RSPH14: variants seen among roughly 807,000 people sequenced by gnomAD.
RSPH14 encodes the protein radial spoke head 14 homolog, also known as rhabdoid tumor deletion region gene 1.
In RSPH14, 20 loss-of-function variants were observed where a neutral mutation model predicts 26.7. That is an observed-to-expected ratio of 0.75 (90% CI 0.53 to 1.09). The LOEUF (loss-of-function observed/expected upper bound fraction) is 1.09, where lower values mean the gene tolerates loss of function less well. Among genes scored for constraint, RSPH14 ranks in the 50% least tolerant of loss-of-function variants. The pLI is 0.00. For missense variants in RSPH14, 449 were observed against 457.2 expected (o/e 0.98, Z 0.16); for synonymous variants, 177 against 189.3 (o/e 0.93, Z 0.53).
At chr22:23,094,625 A>G (rs954979857) in intron 4 of RSPH14, among the ~76,000 whole-genome samples, 1 of 152,162 alleles carries the variant, frequency 6.6e-6, no homozygotes, top group African/African-American at 2.4e-5. Context: ...CACTGTGCTT[A>G]GGCACCTCAC....
chr22:23,151,024 G>A, the RSPH14 span, among the ~76,000 whole-genome samples: 3 of 152,214 alleles, frequency 2.0e-5, no homozygotes, highest in African/African-American at 7.2e-5. Flanking sequence ...TAACAAATAG[G>A]TACAAGGGCC....
intron 4 of RSPH14, among the ~76,000 whole-genome samples, chr22:23,127,580 G>C (rs1415286570): frequency 6.6e-6 from 1 of 152,208 alleles, no homozygotes; most frequent in Non-Finnish European, 1.5e-5. Context: ...GCTGAAGAGG[G>C]ACAGGGTGCA....
At chr22:23,147,581 C>T (rs1332822089), upstream of RSPH14, among the ~76,000 whole-genome samples, 1 of 152,176 alleles carries the variant, frequency 6.6e-6, no homozygotes, top group African/African-American at 2.4e-5. Flanking sequence ...AATCCTCCCA[C>T]CCGGGCCTCT....
chr22:23,083,970 CTG>C (rs2068746328), intron 4 of RSPH14, among the ~76,000 whole-genome samples: 1 of 151,872 alleles, frequency 6.6e-6, no homozygotes, highest in Non-Finnish European at 1.5e-5. Flanking sequence ...GAACAGGGCA[CTG>C]TGAGTGTGGT....
chr22:23,081,844 G>C (rs1050570019), intron 4 of RSPH14, among the ~76,000 whole-genome samples: 2 of 109,470 alleles, frequency 1.8e-5, no homozygotes, highest in Non-Finnish European at 3.9e-5. Context: ...AAAAAAAAAA[G>C]GCCAGGCGCA....
chr22:23,150,247 C>G, the RSPH14 span: 1 of 1,023,282 alleles, frequency 9.8e-7, no homozygotes, highest in South Asian at 1.4e-5. Flanking sequence ...AACACACACA[C>G]GAGGCTGGTG....
At chr22:23,130,151 GAA>G (rs1209974715) in intron 4 of RSPH14, among the ~76,000 whole-genome samples, 180 of 122,324 alleles carry the variant, frequency 1.5e-3, no homozygotes, top group Middle Eastern at 0.015. Flanking sequence ...AAGAAAGAAA[GAA>G]AGAAAGAAAA....
intron 1 of RSPH14, among the ~76,000 whole-genome samples, chr22:23,141,285 C>T (rs200022712): frequency 6.8e-6 from 1 of 147,352 alleles, no homozygotes; most frequent in Non-Finnish European, 1.5e-5. Context: ...GCCAAGATCG[C>T]GCCACTGCAC....
the RSPH14 span, among the ~76,000 whole-genome samples, chr22:23,171,126 C>T: frequency 6.6e-6 from 1 of 152,114 alleles, no homozygotes; most frequent in Non-Finnish European, 1.5e-5. Flanking sequence ...CACCACCACG[C>T]CCAGCCAATT....
At chr22:23,149,003 C>T (rs2070955820), upstream of RSPH14, among the ~76,000 whole-genome samples, 3 of 152,168 alleles carry the variant, frequency 2.0e-5, no homozygotes, top group Admixed American at 6.5e-5. Flanking sequence ...AACTGGAGCT[C>T]GATAAGTTTC....
the RSPH14 span, chr22:23,180,078 GA>G: frequency 3.0e-6 from 1 of 336,252 alleles, no homozygotes; most frequent in Non-Finnish European, 5.8e-6. Flanking sequence ...GCTTCTGTCG[GA>G]GGACTGCTGC....
intron 4 of RSPH14, chr22:23,096,034 C>T (rs766702826): frequency 7.5e-6 from 12 of 1,607,010 alleles, no homozygotes; most frequent in South Asian, 5.5e-5. Context: ...TGACGGGCCC[C>T]GCTGAGAGCA....
At chr22:23,160,549 C>T in the RSPH14 span, among the ~76,000 whole-genome samples, 1 of 152,332 alleles carries the variant, frequency 6.6e-6, no homozygotes, top group East Asian at 1.9e-4. Flanking sequence ...CATCTTCCAA[C>T]ACTTGGGCCA....
intron 4 of RSPH14, among the ~76,000 whole-genome samples, chr22:23,098,006 G>C (rs775195457): frequency 1.3e-5 from 2 of 152,266 alleles, no homozygotes; most frequent in African/African-American, 2.4e-5. Context: ...AGTCAGTCCA[G>C]TTTTTCATGG....
chr22:23,108,635 C>T lies in RSPH14; in HGVS notation c.421+25391G>A, dbSNP rs547045556. On this transcript the variant is annotated intron_variant, in intron 4 of 6. Transcript: ENST00000216036. ...GGAAGGAGATTGTCCAGGAGGTGCCCTCATGGGGCAGAACTCAGAGCCATA... is the reference window on the plus strand; with the variant it reads ...GGAAGGAGATTGTCCAGGAGGTGCCTTCATGGGGCAGAACTCAGAGCCATA... Among the ~76,000 whole-genome samples, 4 of 152,364 alleles carry T rather than the reference C, an allele frequency of 2.6e-5. No individual in the cohort carries two copies. The East Asian group carries it at 7.7e-4, about 29-fold the overall frequency.
chr22:23,114,477 GC>G (rs1411370562), intron 4 of RSPH14, among the ~76,000 whole-genome samples: 1 of 151,950 alleles, frequency 6.6e-6, no homozygotes, highest in African/African-American at 2.4e-5. Flanking sequence ...CTTCCCCTCA[GC>G]CCCCAGAGGT....
the RSPH14 span, among the ~76,000 whole-genome samples, chr22:23,157,624 T>G: frequency 6.6e-6 from 1 of 152,226 alleles, no homozygotes; most frequent in Non-Finnish European, 1.5e-5. Flanking sequence ...GCTACAGGTC[T>G]CGTCCTCGCC....
chr22:23,094,158 C>T (rs79793927), intron 4 of RSPH14, among the ~76,000 whole-genome samples: 1 of 152,102 alleles, frequency 6.6e-6, no homozygotes, highest in Non-Finnish European at 1.5e-5. Context: ...GGGGCGAATG[C>T]TGCCTGTGGC....
At chr22:23,150,144 G>A in the RSPH14 span, 1 of 1,611,310 alleles carries the variant, frequency 6.2e-7, no homozygotes, top group African/African-American at 1.3e-5. Flanking sequence ...CAGGAACACG[G>A]GGACTGTCGG....
Sources: allele counts gnomAD v4.1 joint callset (sites outside exome capture counted in the v4.1 genomes callset), GRCh38; gene constraint gnomAD v4.1.1; transcripts MANE v1.5; gene names NCBI Gene and HGNC (gene_info 2026-07-23, HGNC 2026-07-21).